Variants in STK3 observed in about 807,000 individuals in gnomAD.
The protein encoded by STK3 is serine/threonine-protein kinase 3.
In STK3, 41 loss-of-function variants were observed where a neutral mutation model predicts 58.0. That is an observed-to-expected ratio of 0.71 (90% CI 0.55 to 0.92). The LOEUF (loss-of-function observed/expected upper bound fraction) is 0.92. Among genes scored for constraint, STK3 ranks in the 40% least tolerant of loss-of-function variants. The pLI is 0.00. For synonymous variants in STK3, 170 were observed against 191.0 expected, an observed-to-expected ratio of 0.89 and a Z score of 0.91; for missense variants, 479 against 602.7, an observed-to-expected ratio of 0.79 and a Z score of 2.15.
At chr8:98,527,636 T>C (rs1339986787) in intron 9 of STK3, among the ~76,000 whole-genome samples, 3 of 151,772 alleles carry the variant, frequency 2.0e-5, no homozygotes, top group Admixed American at 6.6e-5. Context: ...AAAATATATA[T>C]ATATGAAATA....
intron 1 of STK3, among the ~76,000 whole-genome samples, chr8:98,811,365 A>C (rs1195208886): frequency 6.6e-6 from 1 of 152,166 alleles, no homozygotes; most frequent in African/African-American, 2.4e-5. Context: ...TATCACTACT[A>C]ATAGTAGCTA....
chr8:98,354,765 C>A, the STK3 span, among the ~76,000 whole-genome samples: 1 of 152,086 alleles, frequency 6.6e-6, no homozygotes, highest in African/African-American at 2.4e-5. Context: ...ATTACTTTTG[C>A]AGGAGTGTGA....
chr8:98,454,102 G>T (rs1359078265), downstream of STK3, among the ~76,000 whole-genome samples: 2 of 152,136 alleles, frequency 1.3e-5, no homozygotes, highest in East Asian at 3.8e-4. Context: ...AGAGACAAAT[G>T]ACACTTTGAG....
chr8:98,728,711 G>A (rs1193203734), intron 4 of STK3, among the ~76,000 whole-genome samples: 5 of 151,974 alleles, frequency 3.3e-5, no homozygotes, highest in Non-Finnish European at 7.4e-5. Context: ...ACACAAAGGA[G>A]GAACATGCAA....
chr8:98,442,661 T>C (rs1286987750), intron 1 of STK3, among the ~76,000 whole-genome samples: 3 of 152,222 alleles, frequency 2.0e-5, no homozygotes, highest in Admixed American at 2.0e-4. Flanking sequence ...ATTTCCACTA[T>C]CTCTGTGTGG....
chr8:98,896,746 AG>A (rs1838459482), intron 1 of STK3, among the ~76,000 whole-genome samples: 1 of 152,178 alleles, frequency 6.6e-6, no homozygotes, highest in Non-Finnish European at 1.5e-5. Context: ...TGGGAGGCAG[AG>A]GCTGGTGGAT....
At chr8:98,608,941 T>C (rs571436019) in intron 6 of STK3, among the ~76,000 whole-genome samples, 1 of 152,336 alleles carries the variant, frequency 6.6e-6, no homozygotes, top group East Asian at 1.9e-4. Flanking sequence ...TAAATTGGAA[T>C]TTTGATTTGT....
downstream of STK3, chr8:98,883,549 A>G: frequency 1.7e-6 from 1 of 602,362 alleles, no homozygotes; most frequent in Non-Finnish European, 3.0e-6. Context: ...CATAAATAAA[A>G]AGAAGAATTT....
intron 6 of STK3, among the ~76,000 whole-genome samples, chr8:98,604,858 C>T (rs559597525): frequency 6.6e-6 from 1 of 152,332 alleles, no homozygotes; most frequent in East Asian, 1.9e-4. Context: ...GCAGCCAGGT[C>T]ACCTCTTGAA....
chr8:98,694,859 T>C (rs970589682), intron 6 of STK3, among the ~76,000 whole-genome samples: 1 of 152,232 alleles, frequency 6.6e-6, no homozygotes, highest in Non-Finnish European at 1.5e-5. Context: ...CCTTTGGGTA[T>C]ATACCCAGTA....
At chr8:98,917,986 T>C (rs936000725) in intron 1 of STK3, among the ~76,000 whole-genome samples, 4 of 152,224 alleles carry the variant, frequency 2.6e-5, no homozygotes, top group African/African-American at 9.6e-5. Flanking sequence ...TAAAGGTAAG[T>C]GTTCATGTAG....
chr8:98,360,949 C>T, the STK3 span, among the ~76,000 whole-genome samples: 7 of 152,276 alleles, frequency 4.6e-5, no homozygotes, highest in East Asian at 1.9e-4. Context: ...TGTCCCTAAA[C>T]GTTCAGTTCA....
intron 6 of STK3, among the ~76,000 whole-genome samples, chr8:98,622,648 C>A (rs138334599): frequency 6.6e-6 from 1 of 152,312 alleles, no homozygotes; most frequent in Non-Finnish European, 1.5e-5. Context: ...GAATTCCCTA[C>A]AATTGCTACA....
intron 6 of STK3, among the ~76,000 whole-genome samples, chr8:98,632,390 G>T (rs1410967628): frequency 6.6e-6 from 1 of 152,108 alleles, no homozygotes; most frequent in African/African-American, 2.4e-5. Context: ...CAGAGAATAA[G>T]ACTATCTTGC....
chr8:98,375,548 C>T (rs1638307091), intron 2 of STK3, among the ~76,000 whole-genome samples: 1 of 152,212 alleles, frequency 6.6e-6, no homozygotes, highest in African/African-American at 2.4e-5. Flanking sequence ...TGTGCCCTTC[C>T]TTTATAGTCA....
chr8:98,783,747 A>G (rs750044489), intron 1 of STK3, among the ~76,000 whole-genome samples: 12 of 152,236 alleles, frequency 7.9e-5, no homozygotes, highest in Non-Finnish European at 1.5e-4. Flanking sequence ...TGCTTTCTCA[A>G]TTAAGATTAT....
chr8:98,396,777 C>T (rs1008314844), downstream of STK3, among the ~76,000 whole-genome samples: 1 of 152,236 alleles, frequency 6.6e-6, no homozygotes, highest in Admixed American at 6.5e-5. Context: ...AGCAGCCACG[C>T]TGACTGCTGG....
chr8:98,699,029 T>C (rs1825279741), intron 6 of STK3, among the ~76,000 whole-genome samples: 1 of 152,258 alleles, frequency 6.6e-6, no homozygotes, highest in African/African-American at 2.4e-5. Flanking sequence ...TCTTTTCACA[T>C]AGTCCCATAT....
chr8:98,843,889 T>C (rs1235831795), intron 3 of STK3, among the ~76,000 whole-genome samples: 10 of 152,162 alleles, frequency 6.6e-5, no homozygotes, highest in Non-Finnish European at 1.5e-4. Flanking sequence ...TGATGGTGCA[T>C]GCCTGTAATC....
Sources: allele counts gnomAD v4.1 joint callset (sites outside exome capture counted in the v4.1 genomes callset), GRCh38; gene constraint gnomAD v4.1.1; transcripts MANE v1.5; gene names NCBI Gene and HGNC (gene_info 2026-07-23, HGNC 2026-07-21).